Variants in NAV2 observed in about 807,000 individuals in gnomAD.
NAV2 encodes the protein helicase, APC down-regulated 1.
In NAV2, 54 loss-of-function variants were observed where a neutral mutation model predicts 223.2. That is an observed-to-expected ratio of 0.24 (90% CI 0.19 to 0.30). NAV2 has a LOEUF of 0.30. Among genes scored for constraint, NAV2 ranks in the 10% least tolerant of loss-of-function variants. NAV2 has a pLI of 1.00. For missense variants in NAV2, 2,806 were observed against 3,147.5 expected (o/e 0.89, Z 2.60); for synonymous variants, 1,279 against 1,239.3 (o/e 1.03, Z -0.67).
chr11:19,660,829 A>G (rs1448316537), intron 1 of NAV2, among the ~76,000 whole-genome samples: 2 of 152,292 alleles, frequency 1.3e-5, no homozygotes, highest in South Asian at 2.1e-4. Context: ...CCTTCTAACT[A>G]TAGTAGTAGT....
intron 7 of NAV2, among the ~76,000 whole-genome samples, chr11:19,935,261 G>A (rs1326893237): frequency 1.3e-5 from 2 of 152,182 alleles, no homozygotes; most frequent in African/African-American, 4.8e-5. Context: ...ACACAAAAGA[G>A]GATTAATGAT....
intron 10 of NAV2, among the ~76,000 whole-genome samples, chr11:19,967,540 C>T (rs2048876081): frequency 6.6e-6 from 1 of 152,040 alleles, no homozygotes; most frequent in Admixed American, 6.5e-5. Context: ...AAACTTGAAC[C>T]ATAGGTGGAA....
At chr11:19,597,147 T>C (rs2046226982) in intron 1 of NAV2, among the ~76,000 whole-genome samples, 1 of 152,214 alleles carries the variant, frequency 6.6e-6, no homozygotes, top group Admixed American at 6.5e-5. Flanking sequence ...GAGCCAAGTT[T>C]CCTTATCTGT....
At chr11:20,038,737 G>A (rs906898965) in intron 12 of NAV2, among the ~76,000 whole-genome samples, 3 of 152,200 alleles carry the variant, frequency 2.0e-5, no homozygotes, top group Non-Finnish European at 4.4e-5. Flanking sequence ...CAGGCAAGGC[G>A]TGGGGAGGCA....
At chr11:19,535,646 C>T (rs543147680) in intron 1 of NAV2, among the ~76,000 whole-genome samples, 6 of 152,206 alleles carry the variant, frequency 3.9e-5, no homozygotes, top group Admixed American at 1.3e-4. Flanking sequence ...TATCTCTCAG[C>T]GGTTTCTTCC....
intron 1 of NAV2, among the ~76,000 whole-genome samples, chr11:19,435,642 A>T (rs917186976): frequency 6.6e-6 from 1 of 151,998 alleles, no homozygotes; most frequent in East Asian, 1.9e-4. Context: ...TTTTCAAAGG[A>T]CCTCCATACT....
intron 1 of NAV2, among the ~76,000 whole-genome samples, chr11:19,738,535 C>T (rs978937811): frequency 1.3e-5 from 2 of 152,266 alleles, no homozygotes; most frequent in South Asian, 2.1e-4. Flanking sequence ...TTTCCTGGGG[C>T]GAAGCAGTAT....
At chr11:19,501,674 G>A (rs888683565) in intron 1 of NAV2, among the ~76,000 whole-genome samples, 1 of 151,704 alleles carries the variant, frequency 6.6e-6, no homozygotes, top group African/African-American at 2.4e-5. Context: ...AGCACATATT[G>A]CTTACTCATT....
At chr11:20,028,467 T>G (rs115740880) in intron 11 of NAV2, among the ~76,000 whole-genome samples, 1 of 152,190 alleles carries the variant, frequency 6.6e-6, no homozygotes, top group Non-Finnish European at 1.5e-5. Flanking sequence ...AAATGCTACA[T>G]GTTGGCCAAA....
intron 1 of NAV2, among the ~76,000 whole-genome samples, chr11:19,492,502 C>T (rs2042663545): frequency 6.6e-6 from 1 of 152,054 alleles, no homozygotes; most frequent in Non-Finnish European, 1.5e-5. Flanking sequence ...GTAGTTCTAG[C>T]AGCCATCTTG....
chr11:19,592,169 A>G (rs893576991), intron 1 of NAV2, among the ~76,000 whole-genome samples: 1 of 152,020 alleles, frequency 6.6e-6, no homozygotes, highest in Admixed American at 6.5e-5. Context: ...TTCAGCGCCT[A>G]TCTTCATTGA....
intron 17 of NAV2, among the ~76,000 whole-genome samples, chr11:20,051,731 A>G (rs1044078459): frequency 2.6e-5 from 4 of 152,228 alleles, no homozygotes; most frequent in Non-Finnish European, 5.9e-5. Context: ...AGCTAGGACA[A>G]GAGCACAGGA....
intron 1 of NAV2, among the ~76,000 whole-genome samples, chr11:19,490,758 G>A (rs1156592810): frequency 1.3e-5 from 2 of 152,120 alleles, no homozygotes; most frequent in Non-Finnish European, 2.9e-5. Flanking sequence ...TGTTCTTAAT[G>A]GCATCTAGAA....
At chr11:19,763,695 G>C (rs904252376) in intron 1 of NAV2, among the ~76,000 whole-genome samples, 3 of 152,130 alleles carry the variant, frequency 2.0e-5, no homozygotes. Context: ...AGCTCCATGG[G>C]AGACTGTTAA....
chr11:20,050,991 C>T (rs2057948845), intron 16 of NAV2, among the ~76,000 whole-genome samples: 1 of 152,204 alleles, frequency 6.6e-6, no homozygotes, highest in South Asian at 2.1e-4. Flanking sequence ...TGAGGTGGAG[C>T]AACCCCTGAA....
chr11:19,622,662 G>A (rs566243871), intron 1 of NAV2, among the ~76,000 whole-genome samples: 1 of 152,208 alleles, frequency 6.6e-6, no homozygotes, highest in Admixed American at 6.5e-5. Flanking sequence ...GTGTGTCTCT[G>A]CACGTGAGAT....
At chr11:19,348,580 T>C (rs994388671), upstream of NAV2, among the ~76,000 whole-genome samples, 1 of 152,224 alleles carries the variant, frequency 6.6e-6, no homozygotes, top group Non-Finnish European at 1.5e-5. Flanking sequence ...CATCTCTATT[T>C]GAAGCAGAGG....
chr11:19,635,161 G>A (rs555989463), intron 1 of NAV2, among the ~76,000 whole-genome samples: 1 of 152,186 alleles, frequency 6.6e-6, no homozygotes, highest in African/African-American at 2.4e-5. Flanking sequence ...TGAATATATA[G>A]CAGTATCGCA....
chr11:19,753,566 T>G (rs2152508258), intron 1 of NAV2, among the ~76,000 whole-genome samples: 1 of 152,334 alleles, frequency 6.6e-6, no homozygotes, highest in African/African-American at 2.4e-5. Flanking sequence ...GGCTACTCTG[T>G]CATTGCATTA....
Sources: allele counts gnomAD v4.1 joint callset (sites outside exome capture counted in the v4.1 genomes callset), GRCh38; gene constraint gnomAD v4.1.1; transcripts MANE v1.5; gene names NCBI Gene and HGNC (gene_info 2026-07-23, HGNC 2026-07-21).